TMC1: variants seen among roughly 807,000 people sequenced by gnomAD.
TMC1 encodes the protein transmembrane channel like 1.
TMC1 carries 84 observed loss-of-function variants against 105.8 expected under a neutral mutation model. That is an observed-to-expected ratio of 0.79 (90% CI 0.67 to 0.95). The LOEUF (loss-of-function observed/expected upper bound fraction) is 0.95, where lower values mean the gene tolerates loss of function less well. TMC1 is among the 40% of genes least tolerant of loss of function. The pLI, the probability that TMC1 is intolerant of heterozygous loss-of-function variation, is 0.00. For missense variants in TMC1, 817 were observed against 914.1 expected (o/e 0.89, Z 1.37); for synonymous variants, 315 against 311.5 (o/e 1.01, Z -0.12).
intron 18 of TMC1, among the ~76,000 whole-genome samples, chr9:72,806,268 A>C (rs1272446113): frequency 7.1e-6 from 1 of 141,834 alleles, no homozygotes; most frequent in African/African-American, 2.7e-5. Flanking sequence ...GGCCGGGCAG[A>C]GGGGCTCCTC....
In TMC1 at chr9:72,830,765, CATT is replaced by C. The variant is rs1190750500; in HGVS notation, c.2260+84_2260+86del. The C allele has an allele frequency of 2.1e-5, 25 of 1,194,540 alleles. No homozygotes were observed. In the Admixed American group the frequency reaches 5.9e-4, roughly 28 times the overall value. 74.0% of individuals were successfully genotyped at this position (1,194,540 alleles called of 1,614,324 possible). ...TTTTTTTTTTTTTTTGCTTTTTCTC[CATT>C]GGATGGTGAGTGGCATTATTGCTGT... On this transcript the variant is annotated intron_variant, in intron 23 of 23. Coordinates refer to ENST00000297784, the MANE Select transcript of TMC1 (RefSeq NM_138691.3).
chr9:72,815,835 G>A (rs1588097714), intron 18 of TMC1, among the ~76,000 whole-genome samples: 2 of 152,184 alleles, frequency 1.3e-5, no homozygotes, highest in South Asian at 4.1e-4. Context: ...CTTTTAATAT[G>A]TACTGTCAAA....
intron 2 of TMC1, among the ~76,000 whole-genome samples, chr9:72,597,939 A>T (rs977672736): frequency 6.6e-6 from 1 of 152,058 alleles, no homozygotes; most frequent in Non-Finnish European, 1.5e-5. Context: ...GCTGAACCAA[A>T]TGCCACACTC....
At chr9:72,702,806 A>G (rs1304746810) in intron 8 of TMC1, among the ~76,000 whole-genome samples, 1 of 152,178 alleles carries the variant, frequency 6.6e-6, no homozygotes. Context: ...ACATAGCCAT[A>G]GTTCTGTGGC....
intron 2 of TMC1, among the ~76,000 whole-genome samples, chr9:72,580,557 AGTGT>A (rs112783067): frequency 6.7e-5 from 10 of 150,088 alleles, no homozygotes; most frequent in South Asian, 2.1e-4. Flanking sequence ...ACAGTGAAGC[AGTGT>A]GTGTGTGTGT....
chr9:72,755,112 G>GAGAAAGAAAGAA (rs879459521), intron 12 of TMC1, among the ~76,000 whole-genome samples: 1 of 150,834 alleles, frequency 6.6e-6, no homozygotes, highest in Admixed American at 6.6e-5. Flanking sequence ...AAGAAAGAAA[G>GAGAAAGAAAGAA]AGAAAGAAAG....
At chr9:72,705,651 C>T (rs1050246136) in intron 8 of TMC1, among the ~76,000 whole-genome samples, 1 of 152,234 alleles carries the variant, frequency 6.6e-6, no homozygotes, top group African/African-American at 2.4e-5. Flanking sequence ...TTTAAAAACC[C>T]ACTTAGCTGG....
At chr9:72,531,116 G>C (rs1823493149) in intron 1 of TMC1, among the ~76,000 whole-genome samples, 1 of 152,024 alleles carries the variant, frequency 6.6e-6, no homozygotes, top group African/African-American at 2.4e-5. Context: ...GGGATTACTG[G>C]CATGAGCCAC....
At chr9:72,552,310 T>C (rs1307412931) in intron 1 of TMC1, among the ~76,000 whole-genome samples, 1 of 152,150 alleles carries the variant, frequency 6.6e-6, no homozygotes, top group Non-Finnish European at 1.5e-5. Context: ...CACTTGTCTC[T>C]TCCCCCTGCT....
chr9:72,653,819 C>G (rs1444843), intron 5 of TMC1, among the ~76,000 whole-genome samples: 15,497 of 152,122 alleles, frequency 0.1, 960 homozygotes, highest in African/African-American at 0.16. Context: ...CAAGCAATTG[C>G]TAGTCTGCTT....
Position 72,805,508 on chromosome 9 carries a change from T to C in TMC1, c.1693T>C (p.Tyr565His). 6.2e-7 allele frequency: 1 copy of C among 1,609,186 alleles called. No homozygotes were observed. Among genetic ancestry groups the C allele is most frequent in the Non-Finnish European group, 8.5e-7 (1 of 1,177,840 alleles). The change falls in exon 18 of 24, where the codon TAT (tyrosine) becomes CAT (histidine). Residue 565 changes from tyrosine (Y) to histidine (H), a missense_variant and splice_region_variant. Physicochemically the swap from Tyr to His is moderately conservative, Grantham distance 83. Coordinates refer to ENST00000297784, the MANE Select transcript of TMC1 (RefSeq NM_138691.3). ...YCWCWDLEYG[Y>H]PSYTEFDISG... is the part of the protein sequence containing the mutation. ...CTGGTGCTGGGACTTGGAGTATGGA[T>C]ATGTAAGTATGATGTTAATTTTGCT...
intron 13 of TMC1, among the ~76,000 whole-genome samples, chr9:72,784,076 A>G (rs985911659): frequency 6.6e-6 from 1 of 152,216 alleles, no homozygotes. Context: ...GTGGGACCTA[A>G]TTAAACTAAA....
intron 11 of TMC1, among the ~76,000 whole-genome samples, chr9:72,754,260 G>T (rs1827636384): frequency 1.3e-5 from 2 of 152,124 alleles, no homozygotes; most frequent in South Asian, 4.1e-4. Context: ...CAGCAGTCCT[G>T]AATTAGTGAT....
At chr9:72,643,095 T>C (rs562419219) in intron 4 of TMC1, among the ~76,000 whole-genome samples, 52 of 152,274 alleles carry the variant, frequency 3.4e-4, no homozygotes, top group African/African-American at 1.2e-3. Context: ...AAAGGTTTTT[T>C]CCTTCCTTTC....
intron 2 of TMC1, among the ~76,000 whole-genome samples, chr9:72,591,184 A>T (rs1388392517): frequency 1.3e-5 from 2 of 152,148 alleles, no homozygotes; most frequent in African/African-American, 4.8e-5. Flanking sequence ...ATGAGGCTAT[A>T]TCAAGGTGAA....
At chr9:72,696,878 A>C (rs2117852591) in intron 7 of TMC1, among the ~76,000 whole-genome samples, 2 of 152,336 alleles carry the variant, frequency 1.3e-5, no homozygotes, top group Non-Finnish European at 2.9e-5. Flanking sequence ...TGCACAGATT[A>C]GCCTGAAAAT....
At chr9:72,734,733 AAAGTAC>A (rs1437841489) in intron 8 of TMC1, among the ~76,000 whole-genome samples, 1 of 152,338 alleles carries the variant, frequency 6.6e-6, no homozygotes, top group African/African-American at 2.4e-5. Flanking sequence ...AAACAGCTAG[AAAGTAC>A]AAGTTTTGAT....
intron 5 of TMC1, among the ~76,000 whole-genome samples, chr9:72,664,308 T>G (rs970923739): frequency 2.0e-5 from 3 of 152,174 alleles, no homozygotes; most frequent in Non-Finnish European, 4.4e-5. Flanking sequence ...AATGTGTTGA[T>G]CTATGACATT....
At chr9:72,832,443 C>A (rs149699670) in intron 23 of TMC1, among the ~76,000 whole-genome samples, 1 of 152,170 alleles carries the variant, frequency 6.6e-6, no homozygotes, top group African/African-American at 2.4e-5. Context: ...CTCCTCCTTT[C>A]AGATTGGCCC....
Sources: gnomAD v4.1 joint callset for allele counts (sites outside exome capture counted in the v4.1 genomes callset) on GRCh38, gnomAD v4.1.1 for gene constraint, MANE v1.5 for transcripts, NCBI Gene and HGNC (gene_info 2026-07-23, HGNC 2026-07-21) for gene names.